Variants in THSD7B observed in about 807,000 individuals in gnomAD.
The protein encoded by THSD7B is thrombospondin type 1 domain containing 7B, also known as thrombospondin type-1 domain-containing protein 7B.
THSD7B carries 138 observed loss-of-function variants against 213.6 expected under a neutral mutation model. That is an observed-to-expected ratio of 0.65 (90% CI 0.56 to 0.74). THSD7B has a LOEUF of 0.74. Among genes scored for constraint, THSD7B ranks in the 30% least tolerant of loss-of-function variants. The pLI is 0.00. For synonymous variants in THSD7B, 742 were observed against 687.0 expected, an observed-to-expected ratio of 1.08 and a Z score of -1.25; for missense variants, 1,931 against 1,991.5, an observed-to-expected ratio of 0.97 and a Z score of 0.58.
intron 17 of THSD7B, among the ~76,000 whole-genome samples, chr2:137,583,671 G>C (rs1681639551): frequency 6.6e-6 from 1 of 152,108 alleles, no homozygotes; most frequent in Non-Finnish European, 1.5e-5. Flanking sequence ...TTATTTCTGA[G>C]GGCTCTGTTC....
intron 1 of THSD7B, among the ~76,000 whole-genome samples, chr2:136,784,022 C>T (rs920929169): frequency 2.0e-5 from 3 of 152,112 alleles, no homozygotes; most frequent in East Asian, 1.9e-4. Flanking sequence ...CCAGTGAACC[C>T]GAGGGTGTGT....
At chr2:137,358,361 C>T (rs986070190) in intron 12 of THSD7B, among the ~76,000 whole-genome samples, 1 of 152,114 alleles carries the variant, frequency 6.6e-6, no homozygotes, top group Non-Finnish European at 1.5e-5. Flanking sequence ...GTAACAGCAT[C>T]CGTAAGAGCA....
At chr2:137,613,719 G>A (rs1268076840) in intron 17 of THSD7B, among the ~76,000 whole-genome samples, 2 of 152,106 alleles carry the variant, frequency 1.3e-5, no homozygotes, top group East Asian at 3.9e-4. Flanking sequence ...CTCTAGTGAA[G>A]AGAAGATCCA....
chr2:136,793,334 G>A (rs1682000572), intron 1 of THSD7B, among the ~76,000 whole-genome samples: 1 of 151,944 alleles, frequency 6.6e-6, no homozygotes, highest in Admixed American at 6.6e-5. Flanking sequence ...CATGACTAAT[G>A]AAGTTGAGCA....
At chr2:137,363,096 A>G (rs914291996) in intron 12 of THSD7B, among the ~76,000 whole-genome samples, 1 of 152,152 alleles carries the variant, frequency 6.6e-6, no homozygotes, top group African/African-American at 2.4e-5. Context: ...TCAAAACTGC[A>G]CAAATATATG....
At chr2:136,792,857 A>G (rs554655846) in intron 1 of THSD7B, among the ~76,000 whole-genome samples, 1 of 152,132 alleles carries the variant, frequency 6.6e-6, no homozygotes, top group East Asian at 1.9e-4. Context: ...GTTTTGTGTC[A>G]GACTTCTTTC....
chr2:137,382,443 G>A (rs1685798564), intron 12 of THSD7B, among the ~76,000 whole-genome samples: 1 of 152,200 alleles, frequency 6.6e-6, no homozygotes. Context: ...TTTTGGTTGG[G>A]GCCTGTGGCA....
intron 7 of THSD7B, among the ~76,000 whole-genome samples, chr2:137,203,990 A>T (rs1001377376): frequency 6.6e-6 from 1 of 152,098 alleles, no homozygotes; most frequent in Non-Finnish European, 1.5e-5. Context: ...TGAAAGAAAT[A>T]TATCCATAGA....
intron 7 of THSD7B, among the ~76,000 whole-genome samples, chr2:137,171,155 A>G (rs1680242554): frequency 6.6e-6 from 1 of 152,220 alleles, no homozygotes; most frequent in Admixed American, 6.5e-5. Flanking sequence ...ATTTGATTGT[A>G]CTTAAATGCA....
chr2:137,246,518 A>C (rs1018456609), intron 10 of THSD7B, among the ~76,000 whole-genome samples: 3 of 152,170 alleles, frequency 2.0e-5, no homozygotes, highest in African/African-American at 7.2e-5. Context: ...GTCAGGTTTT[A>C]TTTTGTCCCG....
intron 21 of THSD7B, among the ~76,000 whole-genome samples, chr2:137,643,622 G>A (rs1344862061): frequency 6.6e-6 from 1 of 152,126 alleles, no homozygotes; most frequent in Non-Finnish European, 1.5e-5. Flanking sequence ...TAAGTATTCA[G>A]CAATATTTAA....
At chr2:137,547,117 G>A (rs1680755572) in intron 15 of THSD7B, among the ~76,000 whole-genome samples, 1 of 152,036 alleles carries the variant, frequency 6.6e-6, no homozygotes, top group Admixed American at 6.6e-5. Context: ...AATTAGTGTG[G>A]AACTCAGAGC....
intron 14 of THSD7B, among the ~76,000 whole-genome samples, chr2:137,423,798 A>G (rs1686980313): frequency 6.6e-6 from 1 of 152,064 alleles, no homozygotes; most frequent in African/African-American, 2.4e-5. Context: ...TTTTTTGAAT[A>G]AATTGAGAAA....
intron 15 of THSD7B, among the ~76,000 whole-genome samples, chr2:137,482,417 A>G (rs938734198): frequency 6.6e-6 from 1 of 152,202 alleles, no homozygotes; most frequent in African/African-American, 2.4e-5. Flanking sequence ...ACTTAATAAA[A>G]CTTCTAATAT....
chr2:137,665,526 C>T (rs1161653985), intron 26 of THSD7B, among the ~76,000 whole-genome samples: 1 of 151,820 alleles, frequency 6.6e-6, no homozygotes, highest in Non-Finnish European at 1.5e-5. Flanking sequence ...TTACAACTTT[C>T]ATTAGGTTCT....
intron 12 of THSD7B, among the ~76,000 whole-genome samples, chr2:137,287,224 TAAA>T (rs970874643): frequency 6.6e-6 from 1 of 152,060 alleles, no homozygotes; most frequent in African/African-American, 2.4e-5. Context: ...TTAAGGAACT[TAAA>T]AAAATCTCTC....
intron 21 of THSD7B, among the ~76,000 whole-genome samples, chr2:137,654,163 C>T (rs1368012480): frequency 1.3e-5 from 2 of 152,046 alleles, no homozygotes; most frequent in Non-Finnish European, 2.9e-5. Context: ...GCATCTTGAG[C>T]CTAGGTTTGC....
At chr2:136,782,786 CTA>C (rs980999915) in intron 1 of THSD7B, among the ~76,000 whole-genome samples, 1 of 152,088 alleles carries the variant, frequency 6.6e-6, no homozygotes, top group Non-Finnish European at 1.5e-5. Context: ...AAAATTATAA[CTA>C]TGTGAGTTAA....
intron 12 of THSD7B, among the ~76,000 whole-genome samples, chr2:137,373,615 T>A (rs2104953401): frequency 6.6e-6 from 1 of 152,286 alleles, no homozygotes; most frequent in African/African-American, 2.4e-5. Context: ...CTCAGATGAG[T>A]AGGTTGCAAA....
Sources: gnomAD v4.1 joint callset for allele counts (sites outside exome capture counted in the v4.1 genomes callset) on GRCh38, gnomAD v4.1.1 for gene constraint, MANE v1.5 for transcripts, NCBI Gene and HGNC (gene_info 2026-07-23, HGNC 2026-07-21) for gene names.